Variants in EIPR1 observed in about 807,000 individuals in gnomAD.
EIPR1 encodes EARP complex and GARP complex interacting protein 1.
EIPR1 carries 25 observed loss-of-function variants against 48.1 expected under a neutral mutation model. The ratio of observed to expected loss-of-function variants is 0.52; its 90% CI spans 0.38 to 0.73. EIPR1 has a LOEUF of 0.73. Ranked by LOEUF, EIPR1 falls within the 30% of genes least tolerant of loss-of-function variation. The pLI, the probability that EIPR1 is intolerant of heterozygous loss-of-function variation, is 0.00. For missense variants in EIPR1, 415 were observed against 506.2 expected (o/e 0.82, Z 1.73); for synonymous variants, 204 against 201.9 (o/e 1.01, Z -0.09).
intron 3 of EIPR1, among the ~76,000 whole-genome samples, chr2:3,316,163 C>T (rs552707003): frequency 1.1e-4 from 16 of 148,474 alleles, no homozygotes; most frequent in South Asian, 6.5e-4. Context: ...ATCATCACCA[C>T]CCCCACACCC....
chr2:3,202,944 G>T (rs571348880), intron 5 of EIPR1, among the ~76,000 whole-genome samples: 20 of 152,358 alleles, frequency 1.3e-4, no homozygotes, highest in African/African-American at 4.8e-4. Flanking sequence ...CGTGCCGAGT[G>T]CCATGACAGC....
intron 4 of EIPR1, among the ~76,000 whole-genome samples, chr2:3,237,180 A>C (rs1666431678): frequency 6.7e-6 from 1 of 149,646 alleles, no homozygotes. Context: ...ACCTGAGGAA[A>C]GAAGATCTGA....
chr2:3,227,464 T>C (rs1666100478), intron 4 of EIPR1, among the ~76,000 whole-genome samples: 1 of 152,042 alleles, frequency 6.6e-6, no homozygotes, highest in African/African-American at 2.4e-5. Context: ...AATTTCTAAG[T>C]GGAAATGCAT....
chr2:3,206,275 G>C (rs1665232243), intron 5 of EIPR1, among the ~76,000 whole-genome samples: 1 of 152,204 alleles, frequency 6.6e-6, no homozygotes, highest in Non-Finnish European at 1.5e-5. Flanking sequence ...AAAGGGTGGA[G>C]GTTGTCCTGC....
chr2:3,298,226 C>T (rs1572411919), intron 3 of EIPR1: 2 of 152,228 alleles, frequency 1.3e-5, no homozygotes, highest in East Asian at 1.9e-4. Flanking sequence ...CACTCTTACC[C>T]GTTTCACATA....
intron 3 of EIPR1, among the ~76,000 whole-genome samples, chr2:3,282,996 A>ATTTCTTTTCTTT (rs1668061471): frequency 6.6e-6 from 1 of 152,206 alleles, no homozygotes; most frequent in Non-Finnish European, 1.5e-5. Context: ...CCTAGGGGTG[A>ATTTCTTTTCTTT]TCTGTCCTTT....
intron 3 of EIPR1, among the ~76,000 whole-genome samples, chr2:3,306,676 T>C (rs897723636): frequency 1.3e-5 from 2 of 152,212 alleles, no homozygotes; most frequent in Non-Finnish European, 2.9e-5. Flanking sequence ...AGAAAATATA[T>C]TGACTATTCA....
intron 5 of EIPR1, among the ~76,000 whole-genome samples, chr2:3,213,170 G>A (rs1030851771): frequency 5.3e-5 from 8 of 152,326 alleles, no homozygotes; most frequent in African/African-American, 1.7e-4. Flanking sequence ...TTGCGCAATC[G>A]CTTTGACTGT....
At chr2:3,364,763 A>G (rs1225709843) in intron 1 of EIPR1, among the ~76,000 whole-genome samples, 1 of 152,214 alleles carries the variant, frequency 6.6e-6, no homozygotes, top group African/African-American at 2.4e-5. Flanking sequence ...CATCTGTGGG[A>G]GCTAAAAACA....
intron 2 of EIPR1, among the ~76,000 whole-genome samples, chr2:3,353,815 T>C (rs777863400): frequency 1.3e-5 from 2 of 152,166 alleles, no homozygotes; most frequent in Non-Finnish European, 2.9e-5. Flanking sequence ...GGCCTGCGTA[T>C]TCTTCGACAG....
chr2:3,262,713 G>A (rs1256241291), intron 3 of EIPR1, among the ~76,000 whole-genome samples: 1 of 152,192 alleles, frequency 6.6e-6, no homozygotes, highest in African/African-American at 2.4e-5. Flanking sequence ...GGGTTCTGGA[G>A]CAAGCCATGC....
intron 3 of EIPR1, among the ~76,000 whole-genome samples, chr2:3,307,564 C>T (rs910302863): frequency 6.6e-6 from 1 of 152,200 alleles, no homozygotes; most frequent in African/African-American, 2.4e-5. Context: ...CCGCCCTGCC[C>T]ACTACCTGCG....
intron 1 of EIPR1, among the ~76,000 whole-genome samples, chr2:3,376,617 G>A (rs566730553): frequency 6.6e-6 from 1 of 151,842 alleles, no homozygotes; most frequent in African/African-American, 2.4e-5. Flanking sequence ...CTTAAACCCG[G>A]GAGGCGGAGG....
At chr2:3,332,999 CTA>C (rs1366151114) in intron 3 of EIPR1, among the ~76,000 whole-genome samples, 3 of 152,168 alleles carry the variant, frequency 2.0e-5, no homozygotes, top group African/African-American at 7.2e-5. Context: ...TGCAAATTTT[CTA>C]TCATTTTCTA....
At chr2:3,190,541 T>C (rs1664569056) in intron 8 of EIPR1, among the ~76,000 whole-genome samples, 2 of 152,074 alleles carry the variant, frequency 1.3e-5, no homozygotes, top group African/African-American at 4.8e-5. Context: ...TCCTAAGAAG[T>C]CTGCGTAGCC....
rs1365359358 is a variant in EIPR1, at chr2:3,256,845, G to A, written c.416+454C>T. 3.9e-5 allele frequency among the ~76,000 whole-genome samples: 6 copies of A among 152,328 alleles called. No homozygotes were observed. The South Asian group carries it at 1.0e-3, about 26-fold the overall frequency. Reference sequence around the variant, plus strand: ...CCACGTGAATGACACACCACATGCCGGACACGGGCGGGCTTGGGCACGCAG... The same window carrying A: ...CCACGTGAATGACACACCACATGCCAGACACGGGCGGGCTTGGGCACGCAG... On this transcript the variant is annotated intron_variant, in intron 4 of 8. Transcript: ENST00000382125.
At chr2:3,231,761 C>T (rs898199056) in intron 4 of EIPR1, among the ~76,000 whole-genome samples, 6 of 152,164 alleles carry the variant, frequency 3.9e-5, no homozygotes, top group African/African-American at 1.4e-4. Flanking sequence ...AGGACTTGCA[C>T]TTACTTTCAT....
intron 3 of EIPR1, among the ~76,000 whole-genome samples, chr2:3,284,007 A>T (rs1668099377): frequency 6.6e-6 from 1 of 152,264 alleles, no homozygotes; most frequent in African/African-American, 2.4e-5. Flanking sequence ...CCACCTGAGG[A>T]TGTGCGAGGG....
intron 3 of EIPR1, among the ~76,000 whole-genome samples, chr2:3,323,645 G>T (rs757201189): frequency 2.0e-4 from 31 of 152,312 alleles, no homozygotes; most frequent in Middle Eastern, 6.8e-3. Flanking sequence ...GTCCCTTACA[G>T]AGAATTACCA....
Sources: gnomAD v4.1 joint callset for allele counts (sites outside exome capture counted in the v4.1 genomes callset) on GRCh38, gnomAD v4.1.1 for gene constraint, MANE v1.5 for transcripts, NCBI Gene and HGNC (gene_info 2026-07-23, HGNC 2026-07-21) for gene names.